The following ZNF71 variants were observed in gnomAD, a reference collection of about 807,000 sequenced individuals.
The protein encoded by ZNF71 is zinc finger protein 71.
A neutral mutation model predicts 6.7 loss-of-function variants in ZNF71; 3 were observed. The observed-to-expected ratio is 0.45, with a 90% CI of 0.20 to 1.16. ZNF71 has a LOEUF of 1.16. ZNF71 is among the 50% of genes most tolerant of loss of function. The probability of loss-of-function intolerance (pLI) is 0.25; values close to 1 mark genes in which losing one functional copy is unlikely to be tolerated. For synonymous variants in ZNF71, 343 were observed against 311.1 expected (o/e 1.10, Z -1.08); for missense variants, 688 against 728.6 (o/e 0.94, Z 0.64).
chr19:56,602,788 T>C (rs73934489), intron 2 of ZNF71, among the ~76,000 whole-genome samples: 9,693 of 152,252 alleles, frequency 0.064, 943 homozygotes, highest in African/African-American at 0.21. Context: ...TTGCTTTTTG[T>C]TTCTTTATTT....
At chr19:56,599,589 T>C (rs1428188124) in intron 1 of ZNF71, among the ~76,000 whole-genome samples, 1 of 152,196 alleles carries the variant, frequency 6.6e-6, no homozygotes, top group Non-Finnish European at 1.5e-5. Flanking sequence ...GATATTTTGA[T>C]ACGGGCATAC....
rs1463666082 is a variant in ZNF71, at chr19:56,622,930, C to T, written c.*173C>T. 1 of 850,128 alleles carries T rather than the reference C, an allele frequency of 1.2e-6. No homozygotes were observed. Among genetic ancestry groups the T allele is most frequent in the Non-Finnish European group, 1.8e-6 (1 of 555,130 alleles). 52.7% of individuals were successfully genotyped at this position (850,128 alleles called of 1,614,324 possible). A position where few individuals can be genotyped will look rare whatever the true frequency, so the allele number is the denominator to read the frequency against. On this transcript the variant is annotated 3_prime_UTR_variant, in exon 4 of 4. Transcript: ENST00000599599. ...GCTGATCACACATGCCCCCTCCTTA[C>T]TGAGCCTCAGAAAGCAAGCCCCTCG... is the stretch of plus-strand genomic sequence containing the variant.
At position 56,623,364 on chromosome 19, in the gene ZNF71, T is replaced by G. The variant is rs1402562157; in HGVS notation, c.*607T>G. On this transcript the variant is annotated 3_prime_UTR_variant, in exon 4 of 4. Coordinates refer to ENST00000599599, the MANE Select transcript of ZNF71 (RefSeq NM_001370215.1). ...GTTAGCAAATAACAGTAACTACTGC[T>G]TTGAATGCCAAAGTTTCTTAGAGTG... 1 of 167,526 alleles carries G rather than the reference T, an allele frequency of 6.0e-6. No individual in the cohort carries two copies. Among genetic ancestry groups the G allele is most frequent in the African/African-American group, 2.4e-5 (1 of 41,444 alleles). The allele number at this position is 167,526 out of a possible 1,614,324, so 10.4% of individuals were successfully genotyped here.
chr19:56,619,646 C>A (rs2044827492), intron 3 of ZNF71, among the ~76,000 whole-genome samples: 1 of 152,120 alleles, frequency 6.6e-6, no homozygotes, highest in African/African-American at 2.4e-5. Flanking sequence ...ACGTTTAGAT[C>A]CAGACTCACT....
chr19:56,595,853 T>TTGTTTG (rs2044617378), intron 1 of ZNF71, among the ~76,000 whole-genome samples: 1 of 137,502 alleles, frequency 7.3e-6, no homozygotes, highest in Non-Finnish European at 1.6e-5. Flanking sequence ...GTGTGTGTGT[T>TTGTTTG]TGTGTGTGTG....
rs73934490 is a variant in ZNF71 at position 56,603,006 on chromosome 19, A to C, written c.33+1415A>C. 0.16 allele frequency among the ~76,000 whole-genome samples: 24,775 copies of C among 152,120 alleles called. 2,513 individuals carry two copies. The highest frequency in any genetic ancestry group is 0.33 in the East Asian group (1,685 of 5,166). ...GAATCTACCTGTAATTGATTTTGCT[A>C]TATAAATGTGTCAGTAGACTTATTT... On this transcript the variant is annotated intron_variant, in intron 2 of 3. Transcript: ENST00000599599. The surrounding 1 kb of genome is among the most constrained non-coding windows in gnomAD (Gnocchi z 4.6).
At chr19:56,605,873 T>C (rs2044707024) in intron 2 of ZNF71, among the ~76,000 whole-genome samples, 1 of 152,180 alleles carries the variant, frequency 6.6e-6, no homozygotes, top group African/African-American at 2.4e-5. Context: ...ACTAAACTGC[T>C]CCTTGGCTGT....
intron 2 of ZNF71, among the ~76,000 whole-genome samples, chr19:56,605,753 G>C (rs1050697179): frequency 1.3e-5 from 2 of 152,216 alleles, no homozygotes; most frequent in Admixed American, 1.3e-4. Context: ...CTTCAGGATC[G>C]CTTGTGATCT....
Position 56,595,406 on chromosome 19 carries a change from G to C in ZNF71, c.-75G>C, listed in dbSNP as rs2044611360. ...CTGGCCCCGGGGAGGGCGCGGCCTC[G>C]GGGAGACGGCGTGCAGGCCCAGGTA... On this transcript the variant is annotated 5_prime_UTR_variant, in exon 1 of 4. Transcript: ENST00000599599. The C allele has an allele frequency of 6.5e-6, 1 of 153,334 alleles. No homozygotes were observed. The highest frequency in any genetic ancestry group is 2.4e-5 in the African/African-American group (1 of 41,464). 9.5% of individuals were successfully genotyped at this position (153,334 alleles called of 1,614,324 possible). A position where few individuals can be genotyped will look rare whatever the true frequency, so the allele number is the denominator to read the frequency against.
chr19:56,622,448 C>T lies in ZNF71; in HGVS notation c.1341C>T (p.Cys447=). ...TGEKPYECYI[C]KKHFTGRSSL... ...AGAAGCCCTACGAGTGCTACATCTG[C>T]AAGAAGCACTTCACGGGGCGCTCGT... is the stretch of plus-strand genomic sequence containing the variant. The change falls in exon 4 of 4, where the codon TGC becomes TGT. Residue 447 remains cysteine, a synonymous_variant. Transcript: ENST00000599599. 6.2e-7 allele frequency: 1 copy of T among 1,613,690 alleles called. No homozygotes were observed. The highest frequency in any genetic ancestry group is 8.5e-7 in the Non-Finnish European group (1 of 1,179,914).
In ZNF71 at chr19:56,598,898, G is replaced by A. The variant is rs1179067904; in HGVS notation, c.-52-2609G>A. Among the ~76,000 whole-genome samples the A allele has an allele frequency of 6.6e-6, 1 of 152,166 alleles. No homozygotes were observed. Among genetic ancestry groups the A allele is most frequent in the Non-Finnish European group, 1.5e-5 (1 of 68,038 alleles). ...TCTTCTTTGTCTTAGTGGTTCTTAC[G>A]CTTTAAGACGTGTCAGAATCACCTG... On this transcript the variant is annotated intron_variant, in intron 1 of 3. Coordinates refer to ENST00000599599, the MANE Select transcript of ZNF71 (RefSeq NM_001370215.1). This position sits in a 1 kb window ranked among gnomAD's most constrained non-coding sequence, Gnocchi z 4.2.
At chr19:56,608,088 C>T (rs1229911940) in intron 2 of ZNF71, among the ~76,000 whole-genome samples, 2 of 151,728 alleles carry the variant, frequency 1.3e-5, no homozygotes, top group East Asian at 3.9e-4. Flanking sequence ...ACCTTTTTGT[C>T]TTTTTTTTTC....
intron 2 of ZNF71, among the ~76,000 whole-genome samples, 177 bp downstream of exon 2, chr19:56,601,768 G>C (rs2044672550): frequency 6.6e-6 from 1 of 152,132 alleles, no homozygotes; most frequent in East Asian, 1.9e-4. Flanking sequence ...GTCAGTTGTA[G>C]GGGACAGGGA....
At chr19:56,620,061 C>T (rs965246288) in intron 3 of ZNF71, among the ~76,000 whole-genome samples, 10 of 152,158 alleles carry the variant, frequency 6.6e-5, no homozygotes, top group Non-Finnish European at 1.2e-4. Flanking sequence ...AACTAGGCAG[C>T]GTGTGACGTA....
At chr19:56,610,741 G>A (rs1478615945) in intron 2 of ZNF71, among the ~76,000 whole-genome samples, 1 of 152,354 alleles carries the variant, frequency 6.6e-6, no homozygotes, top group South Asian at 2.1e-4. Flanking sequence ...AGAGAGGAAT[G>A]TTTCAGTATT....
At position 56,622,427 on chromosome 19, in the gene ZNF71, G is replaced by A. The variant is rs1157285524; in HGVS notation, c.1320G>A (p.Lys440=). ...TQHQRIHTGE[K]PYECYICKKH... ...ACCAGCGCATCCACACCGGCGAGAAGCCCTACGAGTGCTACATCTGCAAGA... is the reference window on the plus strand; with the variant it reads ...ACCAGCGCATCCACACCGGCGAGAAACCCTACGAGTGCTACATCTGCAAGA... The change falls in exon 4 of 4, where the codon AAG becomes AAA. Residue 440 remains lysine (K), a synonymous_variant. Coordinates refer to ENST00000599599, the MANE Select transcript of ZNF71 (RefSeq NM_001370215.1). 1 of 1,614,096 alleles carries A rather than the reference G, an allele frequency of 6.2e-7. No homozygotes were observed. Among genetic ancestry groups the A allele is most frequent in the Admixed American group, 1.7e-5 (1 of 60,016 alleles).
chr19:56,610,951 T>C (rs916979684), intron 2 of ZNF71, among the ~76,000 whole-genome samples: 5 of 152,256 alleles, frequency 3.3e-5, no homozygotes, highest in African/African-American at 1.2e-4. Context: ...TGTCTGTTAG[T>C]GTACACTTGT....
In ZNF71 at chr19:56,613,696, A is replaced by G; in HGVS notation, c.34-116A>G. ...CTTTAGAACTCTGCATCTTATTGAAATCACTTCAGCTACATCCCATCTGCC... is the reference window on the plus strand; with the variant it reads ...CTTTAGAACTCTGCATCTTATTGAAGTCACTTCAGCTACATCCCATCTGCC... On this transcript the variant is annotated intron_variant, in intron 2 of 3. Coordinates refer to ENST00000599599, the MANE Select transcript of ZNF71 (RefSeq NM_001370215.1). This position sits in a 1 kb window ranked among gnomAD's most constrained non-coding sequence, Gnocchi z 4.6. The G allele has an allele frequency of 1.2e-6, 1 of 869,528 alleles. No individual in the cohort carries two copies. The highest frequency in any genetic ancestry group is 1.4e-6 in the Non-Finnish European group (1 of 711,194). The allele number at this position is 869,528 out of a possible 1,614,324, so 53.9% of individuals were successfully genotyped here. A position where few individuals can be genotyped will look rare whatever the true frequency, so the allele number is the denominator to read the frequency against.
intron 3 of ZNF71, among the ~76,000 whole-genome samples, chr19:56,620,189 C>T (rs2044832358): frequency 1.3e-5 from 2 of 152,120 alleles, no homozygotes. Context: ...TGCGGGAGGG[C>T]TGGGGCCAGC....
Sources: allele counts gnomAD v4.1 joint callset (sites outside exome capture counted in the v4.1 genomes callset), GRCh38; gene constraint gnomAD v4.1.1; non-coding constraint Gnocchi (gnomAD v3.1); transcripts MANE v1.5; gene names NCBI Gene and HGNC (gene_info 2026-07-23, HGNC 2026-07-21).